Variants in DTNA observed in about 807,000 individuals in gnomAD.
DTNA encodes dystrophin-related protein 3.
In DTNA, 43 loss-of-function variants were observed where a neutral mutation model predicts 100.7. The observed-to-expected ratio is 0.43, with a 90% CI of 0.33 to 0.55. The LOEUF is 0.55. Among genes scored for constraint, DTNA ranks in the 20% least tolerant of loss-of-function variants. The pLI is 0.04. For synonymous variants in DTNA, 349 were observed against 347.9 expected (o/e 1.00, Z -0.04); for missense variants, 798 against 953.9 (o/e 0.84, Z 2.15).
intron 11 of DTNA, among the ~76,000 whole-genome samples, chr18:34,830,547 T>G (rs1397029178): frequency 1.3e-5 from 2 of 152,198 alleles, no homozygotes; most frequent in African/African-American, 4.8e-5. Context: ...ACCAGCATCA[T>G]CTGTCGCATT....
Position 34,609,486 on chromosome 18 carries a change from C to T in DTNA, c.-2+115972C>T, listed in dbSNP as rs190401192. 1.9e-3 allele frequency among the ~76,000 whole-genome samples: 294 copies of T among 152,104 alleles called. 2 individuals are homozygous for T. Among genetic ancestry groups the T allele is most frequent in the African/African-American group, 6.8e-3 (281 of 41,512 alleles). ...GTCTCGATCTCCTCATCTCGTGATCCGCCTGTCTCGGCCTCCCAAAGTGCT... is the reference window on the plus strand; with the variant it reads ...GTCTCGATCTCCTCATCTCGTGATCTGCCTGTCTCGGCCTCCCAAAGTGCT... On this transcript the variant is annotated intron_variant, in intron 1 of 19. Transcript: ENST00000283365.
At chr18:34,539,568 A>T (rs1478401420) in intron 1 of DTNA, among the ~76,000 whole-genome samples, 1 of 151,910 alleles carries the variant, frequency 6.6e-6, no homozygotes, top group African/African-American at 2.4e-5. Context: ...TAAGGTCATT[A>T]TGCTTGGGAT....
At chr18:34,751,959 C>G (rs1008443659) in intron 1 of DTNA, among the ~76,000 whole-genome samples, 1 of 152,124 alleles carries the variant, frequency 6.6e-6, no homozygotes, top group Admixed American at 6.5e-5. Flanking sequence ...TTCTTATAAG[C>G]GAAAACAACA....
intron 1 of DTNA, among the ~76,000 whole-genome samples, chr18:34,680,291 G>C (rs1288758545): frequency 6.6e-6 from 1 of 152,124 alleles, no homozygotes; most frequent in African/African-American, 2.4e-5. Flanking sequence ...GAAAAGAGAA[G>C]AGCCTAAAAT....
intron 1 of DTNA, among the ~76,000 whole-genome samples, chr18:34,558,519 A>G (rs1399511410): frequency 6.6e-6 from 1 of 152,180 alleles, no homozygotes; most frequent in Non-Finnish European, 1.5e-5. Context: ...TACTGCCCTT[A>G]TGGAGTGTAC....
intron 1 of DTNA, among the ~76,000 whole-genome samples, chr18:34,553,279 G>T (rs2045654403): frequency 6.6e-6 from 1 of 151,214 alleles, no homozygotes; most frequent in South Asian, 2.1e-4. Flanking sequence ...CTGGATATTA[G>T]CCCTTTGTCA....
At chr18:34,759,297 T>C (rs1390810255) in intron 2 of DTNA, among the ~76,000 whole-genome samples, 2 of 152,276 alleles carry the variant, frequency 1.3e-5, no homozygotes, top group Non-Finnish European at 2.9e-5. Context: ...TTGTTTGTTC[T>C]TGGAATTAAA....
At chr18:34,776,131 T>G (rs916828116) in intron 3 of DTNA, among the ~76,000 whole-genome samples, 7 of 152,166 alleles carry the variant, frequency 4.6e-5, no homozygotes, top group Non-Finnish European at 1.0e-4. Flanking sequence ...CTGATGAAGT[T>G]CAGCGCTATT....
intron 1 of DTNA, among the ~76,000 whole-genome samples, chr18:34,514,592 C>T (rs572009206): frequency 6.6e-6 from 1 of 152,120 alleles, no homozygotes; most frequent in East Asian, 1.9e-4. Context: ...TCTGTTCAGA[C>T]TATAGCAAAA....
At chr18:34,545,598 G>A (rs1467290349) in intron 1 of DTNA, among the ~76,000 whole-genome samples, 1 of 152,046 alleles carries the variant, frequency 6.6e-6, no homozygotes, top group African/African-American at 2.4e-5. Flanking sequence ...ATGGTTAGTA[G>A]TGTATCTTTA....
At chr18:34,807,301 A>G (rs765598916) in intron 5 of DTNA, among the ~76,000 whole-genome samples, 7 of 152,050 alleles carry the variant, frequency 4.6e-5, no homozygotes, top group African/African-American at 7.2e-5. Flanking sequence ...TCCAGGTTGC[A>G]AGCCCAGCTA....
chr18:34,820,892 G>A lies in DTNA; in HGVS notation c.978G>A (p.Lys326=), dbSNP rs200830541. ...LHPMFPDQPE[K]PLNLAHIVPP... Reference sequence around the variant, plus strand: ...CCATGTTCCCAGATCAGCCTGAGAAGCCACTCAACTTGGCTCACATCGTGT... The same window carrying A: ...CCATGTTCCCAGATCAGCCTGAGAAACCACTCAACTTGGCTCACATCGTGT... Residue 326 remains lysine, a synonymous_variant, in exon 9 of 23, where the codon AAG becomes AAA. Coordinates refer to ENST00000444659, the MANE Select transcript of DTNA (RefSeq NM_001386795.1). 60 of 1,614,088 alleles carry A rather than the reference G, an allele frequency of 3.7e-5. No homozygotes were observed. The highest frequency in any genetic ancestry group is 5.0e-5 in the Non-Finnish European group (59 of 1,179,996).
chr18:34,813,593 T>G (rs1045371867), intron 6 of DTNA, among the ~76,000 whole-genome samples: 1 of 152,068 alleles, frequency 6.6e-6, no homozygotes, highest in African/African-American at 2.4e-5. Flanking sequence ...GGTGGCTCAC[T>G]CCTGTAAGCC....
intron 2 of DTNA, among the ~76,000 whole-genome samples, chr18:34,758,980 G>T (rs2092962037): frequency 6.6e-6 from 1 of 152,052 alleles, no homozygotes; most frequent in East Asian, 1.9e-4. Flanking sequence ...AAACAGCAAA[G>T]AAATGAAATT....
At chr18:34,604,525 C>A (rs2052599794) in intron 1 of DTNA, among the ~76,000 whole-genome samples, 2 of 152,126 alleles carry the variant, frequency 1.3e-5, no homozygotes. Flanking sequence ...AGGGCTGCTC[C>A]TCTGTAACTC....
chr18:34,824,261 G>A (rs150022167), intron 9 of DTNA, among the ~76,000 whole-genome samples: 4,823 of 152,204 alleles, frequency 0.032, 95 homozygotes, highest in Non-Finnish European at 0.049. Flanking sequence ...GGATCACGAG[G>A]TCAGGAGATC....
intron 1 of DTNA, among the ~76,000 whole-genome samples, chr18:34,754,439 C>CA: frequency 6.6e-6 from 1 of 152,236 alleles, no homozygotes; most frequent in Middle Eastern, 3.4e-3. Context: ...ACAGTATAAG[C>CA]ACCTTGAGGA....
intron 1 of DTNA, among the ~76,000 whole-genome samples, chr18:34,572,312 T>C (rs1255581433): frequency 6.6e-6 from 1 of 152,154 alleles, no homozygotes; most frequent in East Asian, 1.9e-4. Flanking sequence ...TTGTAGAAAA[T>C]GTGTATTAAA....
chr18:34,576,754 C>T (rs2048150291), intron 1 of DTNA, among the ~76,000 whole-genome samples: 1 of 152,144 alleles, frequency 6.6e-6, no homozygotes, highest in Admixed American at 6.5e-5. Context: ...CAACCATGCC[C>T]AGCCGTAAAT....
Sources: gnomAD v4.1 joint callset for allele counts (sites outside exome capture counted in the v4.1 genomes callset) on GRCh38, gnomAD v4.1.1 for gene constraint, MANE v1.5 for transcripts, NCBI Gene and HGNC (gene_info 2026-07-23, HGNC 2026-07-21) for gene names.